Variants in DAB2IP observed in about 807,000 individuals in gnomAD.
DAB2IP encodes disabled homolog 2-interacting protein.
In DAB2IP, 28 loss-of-function variants were observed where a neutral mutation model predicts 107.2. The observed-to-expected ratio is 0.26, with a 90% CI of 0.19 to 0.36. The LOEUF (loss-of-function observed/expected upper bound fraction) is 0.36. Among genes scored for constraint, DAB2IP ranks in the 10% least tolerant of loss-of-function variants. DAB2IP has a pLI of 1.00. For missense variants in DAB2IP, 1,400 were observed against 1,644.7 expected, an observed-to-expected ratio of 0.85 and a Z score of 2.57; for synonymous variants, 755 against 706.4, an observed-to-expected ratio of 1.07 and a Z score of -1.09.
intron 3 of DAB2IP, among the ~76,000 whole-genome samples, chr9:121,713,816 G>T (rs1005079545): frequency 3.9e-5 from 6 of 152,182 alleles, no homozygotes; most frequent in Non-Finnish European, 8.8e-5. Context: ...GAAAGGTACT[G>T]CATTGCCACA....
At chr9:121,718,721 C>T (rs983421959) in intron 3 of DAB2IP, among the ~76,000 whole-genome samples, 3 of 152,212 alleles carry the variant, frequency 2.0e-5, no homozygotes, top group Admixed American at 6.5e-5. Flanking sequence ...CAGCACCTGG[C>T]GAAGAGCAAG....
At chr9:121,567,171 G>T (rs148409496) in exon 1 of DAB2IP, 1 of 1,613,948 alleles carries the variant, frequency 6.2e-7, no homozygotes, top group East Asian at 2.2e-5. Flanking sequence ...GGGGCCAGGG[G>T]CTGGGGGCCC....
At chr9:121,606,582 G>A (rs146798508) in intron 1 of DAB2IP, among the ~76,000 whole-genome samples, 13 of 152,218 alleles carry the variant, frequency 8.5e-5, no homozygotes, top group African/African-American at 2.6e-4. Flanking sequence ...GTGCTCACGG[G>A]CAGGGCTCAG....
At chr9:121,773,071 A>G (rs1184703054) in exon 12 of DAB2IP, 1 of 1,612,496 alleles carries the variant, frequency 6.2e-7, no homozygotes, top group South Asian at 1.1e-5. Flanking sequence ...GGCCTTGGCG[A>G]CTCAGGCTCT....
At chr9:121,781,352 G>C in intron 14 of DAB2IP, 112 bp from the exon 15 acceptor site, 1 of 1,020,168 alleles carries the variant, frequency 9.8e-7, no homozygotes, top group South Asian at 1.4e-5. Context: ...ACCCAAGGAG[G>C]GGCTCTCCTA....
At chr9:121,658,618 T>G (rs1309535274) in intron 1 of DAB2IP, among the ~76,000 whole-genome samples, 1 of 152,198 alleles carries the variant, frequency 6.6e-6, no homozygotes, top group Non-Finnish European at 1.5e-5. Context: ...GATTTCCCAG[T>G]TGCATAAATA....
At chr9:121,720,763 G>A (rs1203511889) in intron 3 of DAB2IP, among the ~76,000 whole-genome samples, 1 of 148,800 alleles carries the variant, frequency 6.7e-6, no homozygotes, top group Non-Finnish European at 1.5e-5. Context: ...GTAGGCACCT[G>A]GCTCATCCTC....
At chr9:121,609,323 G>A (rs1487386404) in intron 1 of DAB2IP, among the ~76,000 whole-genome samples, 1 of 152,178 alleles carries the variant, frequency 6.6e-6, no homozygotes, top group Non-Finnish European at 1.5e-5. Flanking sequence ...GTGACAGGGA[G>A]GAGGTAGTGG....
In DAB2IP at chr9:121,772,593, T is replaced by C. The variant is rs1834844142; in HGVS notation, c.2079-14T>C. ...TTTCCCCTTCTTTCCCTGTGTGTGCTTGTCTCCCTGCAGTCTGATAGATTT... is the reference window on the plus strand; with the variant it reads ...TTTCCCCTTCTTTCCCTGTGTGTGCCTGTCTCCCTGCAGTCTGATAGATTT... On this transcript the variant is annotated splice_polypyrimidine_tract_variant and intron_variant, in intron 11 of 15. Coordinates refer to ENST00000408936, the Ensembl canonical transcript of DAB2IP. This position sits in a 1 kb window ranked among gnomAD's most constrained non-coding sequence, Gnocchi z 4.7. 1.9e-6 allele frequency: 3 copies of C among 1,603,752 alleles called. No individual in the cohort carries two copies. The East Asian group carries it at 6.7e-5, about 36-fold the overall frequency.
chr9:121,577,085 A>G (rs1442123456), intron 1 of DAB2IP, among the ~76,000 whole-genome samples: 1 of 150,668 alleles, frequency 6.6e-6, no homozygotes, highest in Non-Finnish European at 1.5e-5. Flanking sequence ...CTGCCTTAGA[A>G]CTCTTCAAGG....
At chr9:121,745,165 C>T (rs1410612223) in intron 3 of DAB2IP, among the ~76,000 whole-genome samples, 1 of 152,190 alleles carries the variant, frequency 6.6e-6, no homozygotes, top group African/African-American at 2.4e-5. Context: ...GTCAGAGCCT[C>T]ATTCTTTGCT....
At chr9:121,754,756 G>A (rs1441985723) in intron 3 of DAB2IP, among the ~76,000 whole-genome samples, 1 of 152,140 alleles carries the variant, frequency 6.6e-6, no homozygotes, top group Non-Finnish European at 1.5e-5. Flanking sequence ...GGCTCCTGGG[G>A]TTGCAGGACC....
At chr9:121,756,908 T>G in intron 3 of DAB2IP, 105 bp from the exon 4 acceptor site, 1 of 1,462,524 alleles carries the variant, frequency 6.8e-7, no homozygotes, top group Non-Finnish European at 9.5e-7. Flanking sequence ...TGGAGAGGAG[T>G]GGCTGCCTGC....
intron 2 of DAB2IP, among the ~76,000 whole-genome samples, chr9:121,685,226 G>A (rs919500140): frequency 1.3e-5 from 2 of 152,218 alleles, no homozygotes; most frequent in South Asian, 2.1e-4. Context: ...GAACATTACC[G>A]TCATTTTGGT....
At chr9:121,689,125 T>C (rs1318794056) in intron 2 of DAB2IP, among the ~76,000 whole-genome samples, 6 of 152,054 alleles carry the variant, frequency 3.9e-5, no homozygotes, top group Non-Finnish European at 8.8e-5. Flanking sequence ...AAACCCTGTC[T>C]CTATTAAAAA....
At position 121,691,356 on chromosome 9, in the gene DAB2IP, G is replaced by A. The variant is rs1348160290; in HGVS notation, c.229-7969G>A. Among the ~76,000 whole-genome samples the A allele has an allele frequency of 3.9e-5, 6 of 152,152 alleles. 1 individual carries two copies. The East Asian group carries it at 1.2e-3, about 29-fold the overall frequency. ...AGGCCTCTAAGAGAAAGACTGAGGA[G>A]GTACCTGAAGGGTGTGGAGAGTCTT... On this transcript the variant is annotated intron_variant, in intron 2 of 15. Transcript: ENST00000408936.
chr9:121,781,740 G>GGA (rs1024891041), intron 15 of DAB2IP, among the ~76,000 whole-genome samples, 189 bp downstream of exon 15: 6 of 151,890 alleles, frequency 4.0e-5, no homozygotes, highest in African/African-American at 1.5e-4. Flanking sequence ...GGCTGTGAAA[G>GGA]GAGAGAGGCA....
chr9:121,678,966 C>T (rs1828428240), intron 2 of DAB2IP, 185 bp downstream of exon 2: 6 of 519,194 alleles, frequency 1.2e-5, no homozygotes, highest in East Asian at 3.5e-5. Flanking sequence ...GCCCTGGTCC[C>T]GGGGGCCACA....
intron 1 of DAB2IP, among the ~76,000 whole-genome samples, chr9:121,598,858 G>C (rs1020940368): frequency 4.7e-4 from 72 of 152,238 alleles, no homozygotes; most frequent in African/African-American, 1.4e-3. Flanking sequence ...TCTGGCCTCA[G>C]TGTGCCTATC....
Sources: allele counts gnomAD v4.1 joint callset (sites outside exome capture counted in the v4.1 genomes callset), GRCh38; gene constraint gnomAD v4.1.1; non-coding constraint Gnocchi (gnomAD v3.1); transcripts MANE v1.5; gene names NCBI Gene and HGNC (gene_info 2026-07-23, HGNC 2026-07-21).